Variants in SYCP2 observed in about 807,000 individuals in gnomAD.
SYCP2 encodes synaptonemal complex lateral element protein.
Under a neutral mutation model 211.3 loss-of-function variants are expected in SYCP2, and 55 were observed. The observed-to-expected ratio is 0.26, with a 90% confidence interval of 0.21 to 0.33. The LOEUF (loss-of-function observed/expected upper bound fraction) is 0.33, where lower values mean the gene tolerates loss of function less well. SYCP2 is among the 10% of genes least tolerant of loss of function. The probability of loss-of-function intolerance (pLI) is 1.00; values close to 1 mark genes in which losing one functional copy is unlikely to be tolerated. For missense variants in SYCP2, 1,731 were observed against 1,752.0 expected (o/e 0.99, Z 0.21); for synonymous variants, 570 against 555.2 (o/e 1.03, Z -0.37).
intron 14 of SYCP2, among the ~76,000 whole-genome samples, chr20:59,910,277 G>C (rs952385055): frequency 6.6e-6 from 1 of 151,282 alleles, no homozygotes; most frequent in African/African-American, 2.4e-5. Context: ...GAGTCCCCCA[G>C]CATCTTGATC....
At chr20:59,876,496 T>G (rs2059563762) in intron 33 of SYCP2, among the ~76,000 whole-genome samples, 1 of 146,100 alleles carries the variant, frequency 6.8e-6, no homozygotes, top group African/African-American at 2.5e-5. Context: ...CAAGAAGAGA[T>G]GGAAGTTTAT....
intron 15 of SYCP2, among the ~76,000 whole-genome samples, chr20:59,902,657 G>A: frequency 6.6e-6 from 1 of 152,092 alleles, no homozygotes. Flanking sequence ...TATAGGCTAT[G>A]AAATGTCCTG....
rs965928838 is a variant in SYCP2 at position 59,907,301 on chromosome 20, A to T, written c.1033+63T>A. 2.9e-6 allele frequency: 3 copies of T among 1,045,656 alleles called. No individual in the cohort carries two copies. In the Admixed American group the frequency reaches 6.3e-5, roughly 22 times the overall value. 64.8% of individuals were successfully genotyped at this position (1,045,656 alleles called of 1,614,324 possible). A position where few individuals can be genotyped will look rare whatever the true frequency, so the allele number is the denominator to read the frequency against. On this transcript the variant is annotated intron_variant, in intron 15 of 44. Coordinates refer to ENST00000357552, the MANE Select transcript of SYCP2 (RefSeq NM_014258.4). ...AGTCTGTTTTGTTAACCCAGAAAGG[A>T]TGTAACATTTGTTCCATATGGTAAG...
At chr20:59,887,554 A>T (rs1356979360) in intron 24 of SYCP2, among the ~76,000 whole-genome samples, 2 of 152,042 alleles carry the variant, frequency 1.3e-5, no homozygotes, top group East Asian at 3.9e-4. Flanking sequence ...CTAGTTCTAG[A>T]TCCTTGAGGA....
In SYCP2 at chr20:59,872,861, C is replaced by A. The variant is rs892210222; in HGVS notation, c.3555+995G>T. Among the ~76,000 whole-genome samples the A allele has an allele frequency of 2.6e-5, 4 of 152,008 alleles. No individual in the cohort carries two copies. The South Asian group carries it at 8.3e-4, about 32-fold the overall frequency. On this transcript the variant is annotated intron_variant, in intron 35 of 44. Transcript: ENST00000357552. ...TATGGCCTTTAATAAACTTTAGTTACAAAAATTACAAGTTGACAAAGTAAA... is the reference window on the plus strand; with the variant it reads ...TATGGCCTTTAATAAACTTTAGTTAAAAAAATTACAAGTTGACAAAGTAAA...
chr20:59,865,674 A>T (rs373486782), intron 42 of SYCP2, 23 bp from the exon 43 acceptor site: 84 of 1,496,408 alleles, frequency 5.6e-5, no homozygotes, highest in Non-Finnish European at 7.5e-5. Flanking sequence ...ATAATGAGTT[A>T]ACCTTGTATT....
At position 59,918,213 on chromosome 20, in the gene SYCP2, C is replaced by G. The variant is rs560550761; in HGVS notation, c.427+945G>C. Reference sequence around the variant, plus strand: ...TACTGAATGGCTTTGGTAATTAGCACTGGCTGCAGAGTTGACAATGTTTCT... The same window carrying G: ...TACTGAATGGCTTTGGTAATTAGCAGTGGCTGCAGAGTTGACAATGTTTCT... On this transcript the variant is annotated intron_variant, in intron 7 of 44. Coordinates refer to ENST00000357552, the MANE Select transcript of SYCP2 (RefSeq NM_014258.4). 2.0e-5 allele frequency among the ~76,000 whole-genome samples: 3 copies of G among 152,280 alleles called. No homozygotes were observed. In the South Asian group the frequency reaches 6.2e-4, roughly 32 times the overall value.
intron 19 of SYCP2, 57 bp downstream of exon 19, chr20:59,896,372 T>G: frequency 7.0e-6 from 7 of 1,000,640 alleles, no homozygotes; most frequent in Non-Finnish European, 1.1e-5. Context: ...TGCCTTAAAT[T>G]AAAAAATGCC....
At chr20:59,910,057 T>C (rs539966036) in intron 14 of SYCP2, among the ~76,000 whole-genome samples, 1 of 152,178 alleles carries the variant, frequency 6.6e-6, no homozygotes, top group East Asian at 1.9e-4. Context: ...TGGAACACAG[T>C]CATCATAGAA....
intron 33 of SYCP2, among the ~76,000 whole-genome samples, chr20:59,876,100 C>G (rs537370571): frequency 6.6e-6 from 1 of 151,826 alleles, no homozygotes; most frequent in Non-Finnish European, 1.5e-5. Context: ...AGGCTGGGCA[C>G]GGTGGCTCAT....
chr20:59,877,414 G>A lies in SYCP2; in HGVS notation c.3121C>T (p.His1041Tyr), dbSNP rs1291565450. Residue 1041 changes from histidine to tyrosine, a missense_variant, in exon 33 of 45, where the codon CAT becomes TAT. Transcript: ENST00000357552. ...ACTGGTATGTTCTCTTTAAATGAAT[G>A]TGAAAATTCTTGTTCACACTCTGAT... is the stretch of plus-strand genomic sequence containing the variant. ...SESECEQEFS[H>Y]SFKENIPVKE... is the part of the protein sequence containing the mutation. 1 of 1,590,974 alleles carries A rather than the reference G, an allele frequency of 6.3e-7. No homozygotes were observed. The highest frequency in any genetic ancestry group is 1.2e-5 in the South Asian group (1 of 85,082).
chr20:59,869,312 C>A (rs1306725390), intron 36 of SYCP2, among the ~76,000 whole-genome samples: 1 of 151,720 alleles, frequency 6.6e-6, no homozygotes, highest in Non-Finnish European at 1.5e-5. Context: ...ACTTAGTAAC[C>A]TTTACATAGG....
chr20:59,910,443 C>T (rs1282868561), intron 14 of SYCP2, among the ~76,000 whole-genome samples: 6 of 143,202 alleles, frequency 4.2e-5, no homozygotes, highest in African/African-American at 1.1e-4. Context: ...TGCAGTGGCC[C>T]GATCTCGGCT....
At position 59,902,340 on chromosome 20, in the gene SYCP2, G is replaced by C. The variant is rs1235765974; in HGVS notation, c.1034-530C>G. 2.0e-5 allele frequency among the ~76,000 whole-genome samples: 3 copies of C among 152,064 alleles called. No homozygotes were observed. In the South Asian group the frequency reaches 6.2e-4, roughly 31 times the overall value. ...AATGAACTTACCAATCCAGTAAACA[G>C]AGAATACAGCAAGTACCAGCTTATA... On this transcript the variant is annotated intron_variant, in intron 15 of 44. Transcript: ENST00000357552.
chr20:59,870,443 CT>C (rs35684647), intron 35 of SYCP2, among the ~76,000 whole-genome samples: 6 of 151,312 alleles, frequency 4.0e-5, no homozygotes, highest in East Asian at 1.9e-4. Flanking sequence ...TAAAAAAAGT[CT>C]TTTTTTTAAT....
chr20:59,894,739 T>C (rs919057418), intron 20 of SYCP2, among the ~76,000 whole-genome samples: 3 of 151,986 alleles, frequency 2.0e-5, no homozygotes, highest in Non-Finnish European at 4.4e-5. Context: ...ATCTTCACAC[T>C]TCAGAAAAAA....
At chr20:59,902,004 C>CA (rs2060124598) in intron 15 of SYCP2, among the ~76,000 whole-genome samples, 194 bp from the exon 16 acceptor site, 1 of 152,026 alleles carries the variant, frequency 6.6e-6, no homozygotes, top group South Asian at 2.1e-4. Flanking sequence ...TTCCTAGTCT[C>CA]AGTGTTCTTA....
chr20:59,882,783 G>A (rs1380674617), intron 26 of SYCP2, among the ~76,000 whole-genome samples: 2 of 151,886 alleles, frequency 1.3e-5, no homozygotes, highest in Non-Finnish European at 2.9e-5. Context: ...AGGAAGAGTA[G>A]GAAGGAGTAG....
chr20:59,881,459 A>G lies in SYCP2; in HGVS notation c.2692T>C (p.Cys898Arg), dbSNP rs1258564635. ...QEFQATAKEA[C>R]ADRSIRLVGP... ...TACAATCTAATTGACCTATCCGCAC[A>G]AGCTTCTTTAGCTGTAGCTTGAAAC... The change falls in exon 29 of 45, where the codon TGT (cysteine) becomes CGT (arginine). Residue 898 changes from cysteine to arginine, a missense_variant. Physicochemically the swap from Cys to Arg is radical, Grantham distance 180. This residue lies in a region of SYCP2 where 1,387 missense variants were observed against 1,351.3 expected (regional missense o/e 1.03). Transcript: ENST00000357552. 6.5e-7 allele frequency: 1 copy of G among 1,542,846 alleles called. No homozygotes were observed. Among genetic ancestry groups the G allele is most frequent in the East Asian group, 2.4e-5 (1 of 42,104 alleles).
Sources: gnomAD v4.1 joint callset for allele counts (sites outside exome capture counted in the v4.1 genomes callset) on GRCh38, gnomAD v4.1.1 for gene constraint, gnomAD v4.1.1 regional missense constraint, MANE v1.5 for transcripts, NCBI Gene and HGNC (gene_info 2026-07-23, HGNC 2026-07-21) for gene names.